FOXN3: variants seen among roughly 807,000 people sequenced by gnomAD.
FOXN3 encodes forkhead box protein N3.
FOXN3 carries 7 observed loss-of-function variants against 38.4 expected under a neutral mutation model. The observed-to-expected ratio is 0.18, with a 90% CI of 0.10 to 0.34. The LOEUF is 0.34. Among genes scored for constraint, FOXN3 ranks in the 10% least tolerant of loss-of-function variants. The pLI, the probability that FOXN3 is intolerant of heterozygous loss-of-function variation, is 1.00. For missense variants in FOXN3, 456 were observed against 613.4 expected, an observed-to-expected ratio of 0.74 and a Z score of 2.71; for synonymous variants, 230 against 242.2, an observed-to-expected ratio of 0.95 and a Z score of 0.47.
At chr14:89,406,159 C>A (rs1012540346) in intron 2 of FOXN3, among the ~76,000 whole-genome samples, 2 of 151,982 alleles carry the variant, frequency 1.3e-5, no homozygotes, top group Admixed American at 1.3e-4. Flanking sequence ...GTTGCCTAGG[C>A]TGGTCTCAAA....
At chr14:89,259,268 G>A (rs1348194935) in intron 4 of FOXN3, among the ~76,000 whole-genome samples, 2 of 152,180 alleles carry the variant, frequency 1.3e-5, no homozygotes, top group Non-Finnish European at 2.9e-5. Flanking sequence ...CTCTTTCTAT[G>A]AGAATCTAAA....
chr14:89,516,539 C>T (rs935184724), intron 1 of FOXN3, among the ~76,000 whole-genome samples: 13 of 149,410 alleles, frequency 8.7e-5, no homozygotes, highest in South Asian at 4.2e-4. Flanking sequence ...TGCTAGGCAC[C>T]GTGTTTCAGG....
chr14:89,456,571 T>C (rs1892731027), intron 1 of FOXN3, among the ~76,000 whole-genome samples: 1 of 152,124 alleles, frequency 6.6e-6, no homozygotes, highest in African/African-American at 2.4e-5. Flanking sequence ...CTGGGCAACA[T>C]GGCGAAAGCC....
intron 1 of FOXN3, among the ~76,000 whole-genome samples, chr14:89,531,986 G>A (rs955008765): frequency 6.6e-6 from 1 of 152,122 alleles, no homozygotes; most frequent in African/African-American, 2.4e-5. Context: ...AAACTCCAGC[G>A]GTTCTTAAAG....
At chr14:89,352,142 A>T (rs1313676549) in intron 2 of FOXN3, among the ~76,000 whole-genome samples, 1 of 152,142 alleles carries the variant, frequency 6.6e-6, no homozygotes, top group African/African-American at 2.4e-5. Context: ...TGCAGGCCTG[A>T]CCCCAGACAC....
At chr14:89,208,907 C>A (rs191991534) in intron 4 of FOXN3, among the ~76,000 whole-genome samples, 1 of 152,306 alleles carries the variant, frequency 6.6e-6, no homozygotes, top group East Asian at 1.9e-4. Context: ...AAAGAAGCTA[C>A]ATCCCAGTGA....
chr14:89,467,924 A>T (rs774654135), intron 1 of FOXN3, among the ~76,000 whole-genome samples: 1 of 141,910 alleles, frequency 7.0e-6, no homozygotes, highest in African/African-American at 2.6e-5. Flanking sequence ...TGCTGAGATT[A>T]CAGGCATGAG....
At chr14:89,497,698 C>T (rs1342572709) in intron 1 of FOXN3, among the ~76,000 whole-genome samples, 2 of 152,096 alleles carry the variant, frequency 1.3e-5, no homozygotes, top group Non-Finnish European at 2.9e-5. Flanking sequence ...CCACCGTGCC[C>T]GACCTGGATG....
At chr14:89,614,634 G>A (rs543074596) in intron 1 of FOXN3, among the ~76,000 whole-genome samples, 31 of 152,320 alleles carry the variant, frequency 2.0e-4, no homozygotes, top group African/African-American at 7.2e-4. Flanking sequence ...TAGAAGCAGT[G>A]ATTTGCAAAC....
intron 1 of FOXN3, among the ~76,000 whole-genome samples, chr14:89,534,174 C>T (rs1243271955): frequency 2.1e-5 from 3 of 144,974 alleles, no homozygotes; most frequent in African/African-American, 7.8e-5. Flanking sequence ...GGCTCTATCT[C>T]GGCTCACTGC....
intron 5 of FOXN3, among the ~76,000 whole-genome samples, chr14:89,166,004 G>T (rs967819686): frequency 3.3e-5 from 5 of 152,252 alleles, no homozygotes; most frequent in African/African-American, 9.6e-5. Flanking sequence ...CAGATGGGGA[G>T]AATCACGAGT....
intron 3 of FOXN3, among the ~76,000 whole-genome samples, chr14:89,338,204 C>G (rs1014082785): frequency 6.6e-6 from 1 of 152,196 alleles, no homozygotes; most frequent in East Asian, 1.9e-4. Context: ...CTCCCTCCCC[C>G]TCCAAACATC....
At chr14:89,606,641 G>A (rs763882667) in intron 1 of FOXN3, among the ~76,000 whole-genome samples, 59 of 152,168 alleles carry the variant, frequency 3.9e-4, no homozygotes, top group Admixed American at 1.6e-3. Context: ...CCTGAGGTCA[G>A]GAGTTCGAGA....
rs887528239 is a variant in FOXN3, at chr14:89,339,960, G to T, written c.680+10712C>A. Among the ~76,000 whole-genome samples the T allele has an allele frequency of 2.6e-5, 4 of 152,154 alleles. 1 individual carries two copies. The highest frequency in any genetic ancestry group is 1.5e-5 in the Non-Finnish European group (1 of 68,028). ...TCAGTAGAAAAGAATAGGAGGGTTTGGGGGTGGGGGGCAATTTCCAGTTCA... is the reference window on the plus strand; with the variant it reads ...TCAGTAGAAAAGAATAGGAGGGTTTTGGGGTGGGGGGCAATTTCCAGTTCA... On this transcript the variant is annotated intron_variant, in intron 3 of 5. Coordinates refer to ENST00000557258, the MANE Select transcript of FOXN3 (RefSeq NM_005197.4).
intron 3 of FOXN3, among the ~76,000 whole-genome samples, chr14:89,307,660 T>C (rs1566952324): frequency 6.6e-6 from 1 of 152,192 alleles, no homozygotes. Flanking sequence ...GTTGGCAGCC[T>C]GCACCTCTGC....
At chr14:89,274,271 C>A (rs565381821) in intron 4 of FOXN3, among the ~76,000 whole-genome samples, 1 of 152,058 alleles carries the variant, frequency 6.6e-6, no homozygotes, top group African/African-American at 2.4e-5. Flanking sequence ...GACAGTGACA[C>A]TGAAAATGGA....
chr14:89,321,225 A>T (rs1887886200), intron 3 of FOXN3, among the ~76,000 whole-genome samples: 1 of 152,032 alleles, frequency 6.6e-6, no homozygotes, highest in African/African-American at 2.4e-5. Context: ...TGGGAGGTGG[A>T]GGTTGCAGTG....
chr14:89,481,089 T>A (rs1013513942), intron 1 of FOXN3, among the ~76,000 whole-genome samples: 2 of 9,478 alleles, frequency 2.1e-4, no homozygotes, highest in African/African-American at 6.7e-4. Context: ...GTGGTTAAGC[T>A]TTTTTTTTTT....
intron 2 of FOXN3, among the ~76,000 whole-genome samples, chr14:89,405,085 C>T (rs1891352404): frequency 6.6e-6 from 1 of 152,144 alleles, no homozygotes; most frequent in Admixed American, 6.5e-5. Context: ...CTAGAAGCAA[C>T]TGCTCACGTG....
Sources: gnomAD v4.1 joint callset for allele counts (sites outside exome capture counted in the v4.1 genomes callset) on GRCh38, gnomAD v4.1.1 for gene constraint, MANE v1.5 for transcripts, NCBI Gene and HGNC (gene_info 2026-07-23, HGNC 2026-07-21) for gene names.